Variants in VGLL4 observed in about 807,000 individuals in gnomAD.
VGLL4 encodes the protein vestigial like family member 4, also known as transcription cofactor vestigial-like protein 4.
In VGLL4, 7 loss-of-function variants were observed where a neutral mutation model predicts 21.0. The ratio of observed to expected loss-of-function variants is 0.33; its 90% CI spans 0.19 to 0.63. The LOEUF is 0.63. VGLL4 is among the 20% of genes least tolerant of loss of function. VGLL4 has a pLI of 0.78. For synonymous variants in VGLL4, 222 were observed against 173.2 expected (o/e 1.28, Z -2.21); for missense variants, 394 against 425.7 (o/e 0.93, Z 0.66).
chr3:11,631,555 G>A (rs953835810), intron 1 of VGLL4, among the ~76,000 whole-genome samples: 2 of 152,258 alleles, frequency 1.3e-5, no homozygotes, highest in Middle Eastern at 6.8e-3. Context: ...AGCCATTCAT[G>A]AAAAAGGTCA....
At chr3:11,671,120 A>G in intron 2 of VGLL4, 1 of 921,354 alleles carries the variant, frequency 1.1e-6, no homozygotes, top group Non-Finnish European at 1.6e-6. Context: ...TCAGGACTCA[A>G]GCACAAAAAG....
intron 2 of VGLL4, among the ~76,000 whole-genome samples, chr3:11,583,360 T>C (rs528349624): frequency 7.2e-5 from 11 of 152,278 alleles, no homozygotes; most frequent in African/African-American, 2.4e-4. Context: ...GATGTGAAAA[T>C]TGTCTTCCAA....
At position 11,556,730 on chromosome 3, in the gene VGLL4, G is replaced by A. The variant is rs2072455614; in HGVS notation, c.*1826C>T. 6.6e-6 allele frequency: 1 copy of A among 152,608 alleles called. No homozygotes were observed. Among genetic ancestry groups the A allele is most frequent in the Non-Finnish European group, 1.5e-5 (1 of 68,038 alleles). 9.5% of individuals were successfully genotyped at this position (152,608 alleles called of 1,614,324 possible). ...TCAAAAAATACCTACAAATTTCTCT[G>A]TACATTCTTTACGCACAGCGTAACG... On this transcript the variant is annotated 3_prime_UTR_variant, in exon 5 of 5. Transcript: ENST00000430365.
chr3:11,634,911 A>G (rs1210348234), intron 1 of VGLL4, among the ~76,000 whole-genome samples: 2 of 152,132 alleles, frequency 1.3e-5, no homozygotes, highest in Non-Finnish European at 2.9e-5. Flanking sequence ...AGCTCAAGCA[A>G]TCTGCCTGCC....
At chr3:11,718,572 C>CA (rs1266621520) in intron 1 of VGLL4, among the ~76,000 whole-genome samples, 3 of 152,060 alleles carry the variant, frequency 2.0e-5, no homozygotes, top group Non-Finnish European at 4.4e-5. Context: ...ACATGGTATG[C>CA]AAAACTGACC....
intron 2 of VGLL4, among the ~76,000 whole-genome samples, chr3:11,650,353 A>C (rs1284132126): frequency 6.6e-6 from 1 of 152,232 alleles, no homozygotes; most frequent in Non-Finnish European, 1.5e-5. Context: ...TTAATTAGCT[A>C]GAGGTTTGAC....
At chr3:11,693,402 T>C (rs905279864) in intron 2 of VGLL4, among the ~76,000 whole-genome samples, 4 of 151,958 alleles carry the variant, frequency 2.6e-5, no homozygotes, top group South Asian at 2.1e-4. Context: ...TGGTAGACGA[T>C]TGGAATACAA....
At chr3:11,686,071 C>T (rs887243526) in intron 2 of VGLL4, among the ~76,000 whole-genome samples, 1 of 152,126 alleles carries the variant, frequency 6.6e-6, no homozygotes, top group African/African-American at 2.4e-5. Flanking sequence ...AATTGGAACC[C>T]TTGTGTATGG....
intron 1 of VGLL4, among the ~76,000 whole-genome samples, chr3:11,616,982 G>A (rs1485720365): frequency 6.6e-6 from 1 of 152,198 alleles, no homozygotes; most frequent in Non-Finnish European, 1.5e-5. Flanking sequence ...TTCTGGTTAT[G>A]TAGGTTAATC....
intron 1 of VGLL4, chr3:11,607,043 G>A (rs1215174231): frequency 6.6e-6 from 1 of 152,190 alleles, no homozygotes; most frequent in East Asian, 1.9e-4. Flanking sequence ...CTCCTCAACT[G>A]ATGAAACACA....
At chr3:11,694,688 G>A (rs2076579655) in intron 2 of VGLL4, among the ~76,000 whole-genome samples, 1 of 151,992 alleles carries the variant, frequency 6.6e-6, no homozygotes, top group African/African-American at 2.4e-5. Flanking sequence ...CTAAGAAATA[G>A]TCAAATTATG....
intron 2 of VGLL4, among the ~76,000 whole-genome samples, chr3:11,698,278 G>A (rs531775657): frequency 6.6e-6 from 1 of 152,158 alleles, no homozygotes; most frequent in South Asian, 2.1e-4. Flanking sequence ...GGAGGCCAAG[G>A]CGGGTGGATT....
intron 2 of VGLL4, among the ~76,000 whole-genome samples, chr3:11,650,718 A>AACACACACACAC (rs10539636): frequency 1.4e-5 from 2 of 147,522 alleles, no homozygotes; most frequent in Admixed American, 1.4e-4. Context: ...ACACATAGAA[A>AACACACACACAC]ACACACACAC....
chr3:11,650,464 A>G (rs1320677017), intron 2 of VGLL4, among the ~76,000 whole-genome samples: 1 of 152,208 alleles, frequency 6.6e-6, no homozygotes, highest in African/African-American at 2.4e-5. Context: ...CAAATGATCA[A>G]AATCACTCCC....
At chr3:11,652,655 A>C (rs1224289547) in intron 2 of VGLL4, among the ~76,000 whole-genome samples, 1 of 152,182 alleles carries the variant, frequency 6.6e-6, no homozygotes, top group Non-Finnish European at 1.5e-5. Context: ...TCCTGACCTC[A>C]AGTGATCCGC....
intron 2 of VGLL4, among the ~76,000 whole-genome samples, chr3:11,688,326 T>C (rs911278622): frequency 1.3e-5 from 2 of 152,206 alleles, no homozygotes; most frequent in Admixed American, 1.3e-4. Context: ...TACTATAAAA[T>C]AGTCTTATAA....
chr3:11,569,138 G>T (rs1375554985), intron 2 of VGLL4, among the ~76,000 whole-genome samples: 6 of 152,194 alleles, frequency 3.9e-5, no homozygotes, highest in African/African-American at 1.2e-4. Context: ...GAAGTGCACT[G>T]CGTCTATTTG....
intron 2 of VGLL4, among the ~76,000 whole-genome samples, chr3:11,662,589 G>A (rs1559931322): frequency 6.6e-6 from 1 of 152,198 alleles, no homozygotes; most frequent in Non-Finnish European, 1.5e-5. Context: ...TCCACTAGAG[G>A]GACTGAGAAA....
intron 1 of VGLL4, among the ~76,000 whole-genome samples, chr3:11,623,809 T>G (rs1023266826): frequency 6.6e-6 from 1 of 151,802 alleles, no homozygotes; most frequent in Non-Finnish European, 1.5e-5. Flanking sequence ...GGTGCCATCA[T>G]AATTCATTGC....
Sources: gnomAD v4.1 joint callset for allele counts (sites outside exome capture counted in the v4.1 genomes callset) on GRCh38, gnomAD v4.1.1 for gene constraint, MANE v1.5 for transcripts, NCBI Gene and HGNC (gene_info 2026-07-23, HGNC 2026-07-21) for gene names.